The following KIAA0040 variants were observed in gnomAD, a reference collection of about 807,000 sequenced individuals.
KIAA0040 encodes the protein KIAA0040.
A neutral mutation model predicts 7.2 loss-of-function variants in KIAA0040; 10 were observed. The observed-to-expected ratio is 1.38, with a 90% confidence interval of 0.85 to 2.34. The LOEUF (loss-of-function observed/expected upper bound fraction) is 2.34. KIAA0040 is among the 30% of genes most tolerant of loss of function. The probability of loss-of-function intolerance (pLI) is 0.00; values close to 1 mark genes in which losing one functional copy is unlikely to be tolerated. For missense variants in KIAA0040, 89 were observed against 108.2 expected (o/e 0.82, Z 0.79); for synonymous variants, 49 against 40.1 (o/e 1.22, Z -0.84).
At chr1:175,162,077 T>C (rs1676564462) in intron 3 of KIAA0040, among the ~76,000 whole-genome samples, 1 of 152,120 alleles carries the variant, frequency 6.6e-6, no homozygotes, top group African/African-American at 2.4e-5. Context: ...TGTACAGAGC[T>C]GCCCCTCTTC....
At position 175,161,125 on chromosome 1, in the gene KIAA0040, T is replaced by G; in HGVS notation, c.-112A>C. Reference sequence around the variant, plus strand: ...ATTTATTCCTCTTCCAGCTTTGGGTTTGGGCATGCCACTGGCAGCACCTGA... The same window carrying G: ...ATTTATTCCTCTTCCAGCTTTGGGTGTGGGCATGCCACTGGCAGCACCTGA... On this transcript the variant is annotated 5_prime_UTR_variant, in exon 4 of 4. Coordinates refer to ENST00000423313, the MANE Select transcript of KIAA0040 (RefSeq NM_014656.3). 1 of 1,029,924 alleles carries G rather than the reference T, an allele frequency of 9.7e-7. No homozygotes were observed. The highest frequency in any genetic ancestry group is 2.6e-5 in the East Asian group (1 of 38,104). The allele number at this position is 1,029,924 out of a possible 1,614,324, so 63.8% of individuals were successfully genotyped here. A position where few individuals can be genotyped will look rare whatever the true frequency, so the allele number is the denominator to read the frequency against.
chr1:175,168,191 C>A (rs1288133073), intron 2 of KIAA0040, among the ~76,000 whole-genome samples: 1 of 152,194 alleles, frequency 6.6e-6, no homozygotes, highest in Non-Finnish European at 1.5e-5. Context: ...GCTAACCTGG[C>A]ATGCTCAGGT....
At chr1:175,171,850 C>G (rs1280289877) in intron 2 of KIAA0040, among the ~76,000 whole-genome samples, 1 of 152,192 alleles carries the variant, frequency 6.6e-6, no homozygotes, top group South Asian at 2.1e-4. Context: ...CTCCATTTCA[C>G]TGTGGGTTCA....
At position 175,157,476 on chromosome 1, in the gene KIAA0040, T is replaced by A. The variant is rs565592022; in HGVS notation, c.*3238A>T. 1 of 152,252 alleles carries A rather than the reference T, an allele frequency of 6.6e-6. No individual in the cohort carries two copies. The highest frequency in any genetic ancestry group is 6.5e-5 in the Admixed American group (1 of 15,278). 9.4% of individuals were successfully genotyped at this position (152,252 alleles called of 1,614,324 possible). On this transcript the variant is annotated 3_prime_UTR_variant, in exon 4 of 4. Transcript: ENST00000423313. ...CCCTGCATTGATCATTTCTGAGTGATGTCTGAGTGGGGGTAATACCTAATG... is the reference window on the plus strand; with the variant it reads ...CCCTGCATTGATCATTTCTGAGTGAAGTCTGAGTGGGGGTAATACCTAATG...
chr1:175,161,194 T>C (rs1356025787), intron 3 of KIAA0040, 48 bp from the exon 4 acceptor site: 2 of 548,992 alleles, frequency 3.6e-6, no homozygotes, highest in Non-Finnish European at 6.4e-6. Flanking sequence ...GGGGGACTGG[T>C]CTACAATTTT....
intron 2 of KIAA0040, among the ~76,000 whole-genome samples, chr1:175,174,622 T>C (rs1677109531): frequency 6.6e-6 from 1 of 152,166 alleles, no homozygotes; most frequent in South Asian, 2.1e-4. Flanking sequence ...GGGGATTATA[T>C]TAAAAGGCTG....
intron 2 of KIAA0040, among the ~76,000 whole-genome samples, chr1:175,167,429 C>T (rs1028240599): frequency 6.6e-6 from 1 of 152,068 alleles, no homozygotes. Flanking sequence ...CATTGCTGTC[C>T]CTGAAAAGGA....
intron 1 of KIAA0040, among the ~76,000 whole-genome samples, chr1:175,191,227 T>C (rs1486334685): frequency 6.6e-6 from 1 of 152,248 alleles, no homozygotes; most frequent in African/African-American, 2.4e-5. Context: ...AAATGTTGAA[T>C]GAATGTATGG....
intron 1 of KIAA0040, among the ~76,000 whole-genome samples, chr1:175,182,315 CTCTT>C (rs1677472624): frequency 6.6e-6 from 1 of 152,180 alleles, no homozygotes. Context: ...TACATTTTAT[CTCTT>C]TGTGCAGCAT....
chr1:175,189,562 A>G (rs1677792252), intron 1 of KIAA0040, among the ~76,000 whole-genome samples: 1 of 151,740 alleles, frequency 6.6e-6, no homozygotes, highest in South Asian at 2.1e-4. Context: ...GATTGATATC[A>G]TGGAAGGAGA....
At chr1:175,184,452 G>A (rs773871983) in intron 1 of KIAA0040, among the ~76,000 whole-genome samples, 5 of 152,256 alleles carry the variant, frequency 3.3e-5, no homozygotes, top group Non-Finnish European at 5.9e-5. Flanking sequence ...TGTCTGTTCA[G>A]AGACAGAGGA....
chr1:175,170,751 A>G (rs964442387), intron 2 of KIAA0040, among the ~76,000 whole-genome samples: 9 of 152,072 alleles, frequency 5.9e-5, no homozygotes, highest in Non-Finnish European at 4.4e-5. Flanking sequence ...GGGTTACTGC[A>G]GCAGCTTCCT....
intron 1 of KIAA0040, among the ~76,000 whole-genome samples, chr1:175,179,228 G>A (rs1677341470): frequency 1.3e-5 from 2 of 152,318 alleles, no homozygotes; most frequent in South Asian, 2.1e-4. Context: ...GGCTTTGAAA[G>A]CCTAACATGG....
At chr1:175,184,417 C>T (rs1273176821) in intron 1 of KIAA0040, among the ~76,000 whole-genome samples, 1 of 152,162 alleles carries the variant, frequency 6.6e-6, no homozygotes, top group African/African-American at 2.4e-5. Flanking sequence ...CTCCCTCTTC[C>T]CTTGTCTTCT....
At chr1:175,162,597 C>T (rs187777140) in intron 3 of KIAA0040, among the ~76,000 whole-genome samples, 2 of 152,300 alleles carry the variant, frequency 1.3e-5, no homozygotes, top group East Asian at 3.9e-4. Flanking sequence ...GGGACCTGGG[C>T]CTGGAATTCA....
chr1:175,173,394 T>G lies in KIAA0040; in HGVS notation c.-310+4217A>C, dbSNP rs536476835. Among the ~76,000 whole-genome samples the G allele has an allele frequency of 4.6e-5, 7 of 152,352 alleles. No homozygotes were observed. In the South Asian group the frequency reaches 1.2e-3, roughly 27 times the overall value. On this transcript the variant is annotated intron_variant, in intron 2 of 3. Transcript: ENST00000423313. ...CTTACTAAGTGTGCAACTCTGTGTG[T>G]GGAATCAAGGGTTTACAGACATGGT...
intron 1 of KIAA0040, among the ~76,000 whole-genome samples, chr1:175,181,554 T>C (rs1032669654): frequency 6.6e-6 from 1 of 152,224 alleles, no homozygotes; most frequent in Non-Finnish European, 1.5e-5. Context: ...GAAATCAAAA[T>C]TGAACTTTTC....
chr1:175,163,833 G>C (rs1676647253), intron 3 of KIAA0040, among the ~76,000 whole-genome samples: 1 of 152,200 alleles, frequency 6.6e-6, no homozygotes, highest in Non-Finnish European at 1.5e-5. Context: ...GGAGCAGATG[G>C]GTAACAGGGG....
At chr1:175,185,250 A>T (rs547506861) in intron 1 of KIAA0040, among the ~76,000 whole-genome samples, 1 of 152,350 alleles carries the variant, frequency 6.6e-6, no homozygotes, top group Admixed American at 6.5e-5. Context: ...TTGGATAAGA[A>T]ATACTCAACC....
Sources: allele counts gnomAD v4.1 joint callset (sites outside exome capture counted in the v4.1 genomes callset), GRCh38; gene constraint gnomAD v4.1.1; transcripts MANE v1.5; gene names NCBI Gene and HGNC (gene_info 2026-07-23, HGNC 2026-07-21).